The following AFG1L variants were observed in gnomAD, a reference collection of about 807,000 sequenced individuals.
The protein encoded by AFG1L is AFG1 like ATPase.
Under a neutral mutation model 62.2 loss-of-function variants are expected in AFG1L, and 53 were observed. The ratio of observed to expected loss-of-function variants is 0.85; its 90% CI spans 0.68 to 1.07. The LOEUF (loss-of-function observed/expected upper bound fraction) is 1.07, where lower values mean the gene tolerates loss of function less well. Ranked by LOEUF, AFG1L falls within the 50% of genes least tolerant of loss-of-function variation. AFG1L has a pLI of 0.00. For missense variants in AFG1L, 555 were observed against 590.5 expected (o/e 0.94, Z 0.62); for synonymous variants, 228 against 210.3 (o/e 1.08, Z -0.73).
intron 2 of AFG1L, among the ~76,000 whole-genome samples, chr6:108,344,568 A>C (rs1778796332): frequency 6.6e-6 from 1 of 152,194 alleles, no homozygotes; most frequent in Admixed American, 6.5e-5. Flanking sequence ...CCTGGATGAC[A>C]GAGTGAGACC....
At chr6:108,505,151 A>G (rs1440850953) in intron 10 of AFG1L, among the ~76,000 whole-genome samples, 1 of 150,480 alleles carries the variant, frequency 6.6e-6, no homozygotes, top group Non-Finnish European at 1.5e-5. Flanking sequence ...CTGGAGTACA[A>G]TGGCACGATC....
intron 2 of AFG1L, among the ~76,000 whole-genome samples, chr6:108,336,276 G>C (rs1327175048): frequency 6.6e-6 from 1 of 152,162 alleles, no homozygotes; most frequent in Non-Finnish European, 1.5e-5. Flanking sequence ...TAATGCAATG[G>C]TGGGGGGAAT....
rs1401571478 is a variant in AFG1L, at chr6:108,522,604, T to C, written c.*179T>C. On this transcript the variant is annotated 3_prime_UTR_variant, in exon 13 of 13. Transcript: ENST00000368977. ...ATTAGTAAGTTAAACACTTAACATT[T>C]TTTAGGTCTGCTTTTTCTTATTTGG... 1.9e-6 allele frequency: 1 copy of C among 515,438 alleles called. No individual in the cohort carries two copies. The highest frequency in any genetic ancestry group is 3.2e-6 in the Non-Finnish European group (1 of 314,912). 31.9% of individuals were successfully genotyped at this position (515,438 alleles called of 1,614,324 possible).
At chr6:108,490,502 C>T (rs1435535305) in intron 10 of AFG1L, among the ~76,000 whole-genome samples, 1 of 152,148 alleles carries the variant, frequency 6.6e-6, no homozygotes, top group African/African-American at 2.4e-5. Flanking sequence ...TGCTTTTTAG[C>T]CTTAGCATAT....
intron 7 of AFG1L, among the ~76,000 whole-genome samples, chr6:108,415,705 A>C (rs1770230062): frequency 6.6e-6 from 1 of 152,220 alleles, no homozygotes; most frequent in Non-Finnish European, 1.5e-5. Context: ...TGCTGGGAAA[A>C]CTGGCTAGCC....
At chr6:108,479,846 C>G (rs2114822403) in intron 10 of AFG1L, among the ~76,000 whole-genome samples, 1 of 152,238 alleles carries the variant, frequency 6.6e-6, no homozygotes. Context: ...CTAGAAGGCT[C>G]TTGAAGCCCA....
intron 5 of AFG1L, among the ~76,000 whole-genome samples, chr6:108,363,954 A>T (rs1269157228): frequency 6.6e-6 from 1 of 152,190 alleles, no homozygotes; most frequent in Non-Finnish European, 1.5e-5. Flanking sequence ...GCACTCACAC[A>T]TGTAAATTAA....
At chr6:108,514,790 A>G (rs1021299541) in intron 11 of AFG1L, among the ~76,000 whole-genome samples, 5 of 152,276 alleles carry the variant, frequency 3.3e-5, no homozygotes, top group African/African-American at 1.2e-4. Context: ...TCAAAATAAA[A>G]GGATGGAGGA....
At position 108,522,419 on chromosome 6, in the gene AFG1L, G is replaced by T. The variant is rs761355222; in HGVS notation, c.1440G>T (p.Lys480Asn). 7.5e-6 allele frequency: 12 copies of T among 1,606,788 alleles called. No individual in the cohort carries two copies. In the East Asian group the frequency reaches 2.5e-4, roughly 33 times the overall value. ...EQYWNEGDRTKK is the reference protein window; with the variant it reads ...EQYWNEGDRTNK ...ACTGGAATGAAGGAGACAGAACCAA[G>T]AAGTAACTGCCACTTTTGCATAAAT... Residue 480 changes from lysine (K) to asparagine (N), a missense_variant, in exon 13 of 13, where the codon AAG becomes AAT. Physicochemically the swap from Lys to Asn is moderately conservative, Grantham distance 94. Coordinates refer to ENST00000368977, the MANE Select transcript of AFG1L (RefSeq NM_145315.5).
chr6:108,301,399 G>A (rs1776994302), intron 1 of AFG1L, among the ~76,000 whole-genome samples: 1 of 152,134 alleles, frequency 6.6e-6, no homozygotes, highest in Non-Finnish European at 1.5e-5. Flanking sequence ...TTTTACAAGG[G>A]AACCCTTAAT....
At chr6:108,385,337 C>T (rs1341089872) in intron 6 of AFG1L, among the ~76,000 whole-genome samples, 3 of 152,256 alleles carry the variant, frequency 2.0e-5, no homozygotes, top group Non-Finnish European at 1.5e-5. Flanking sequence ...GCAAGGAACA[C>T]CTGGCCCACC....
At chr6:108,343,785 A>G (rs1778768890) in intron 2 of AFG1L, among the ~76,000 whole-genome samples, 1 of 152,196 alleles carries the variant, frequency 6.6e-6, no homozygotes, top group Admixed American at 6.5e-5. Flanking sequence ...GAGATTTAAG[A>G]ATAGATGGAG....
chr6:108,351,060 G>C (rs962878061), intron 3 of AFG1L, among the ~76,000 whole-genome samples: 1 of 152,212 alleles, frequency 6.6e-6, no homozygotes, highest in South Asian at 2.1e-4. Flanking sequence ...AGAAGGTGCA[G>C]TAATAATACA....
chr6:108,493,001 T>C (rs1773831576), intron 10 of AFG1L, among the ~76,000 whole-genome samples: 3 of 152,102 alleles, frequency 2.0e-5, no homozygotes, highest in African/African-American at 7.2e-5. Context: ...TAAAAAATGT[T>C]ATATTATCTG....
chr6:108,519,821 T>A lies in AFG1L; in HGVS notation c.1317+11T>A, dbSNP rs544183592. 4.6e-6 allele frequency: 7 copies of A among 1,517,718 alleles called. No homozygotes were observed. The highest frequency in any genetic ancestry group is 6.3e-6 in the Non-Finnish European group (7 of 1,104,666). The allele number at this position is 1,517,718 out of a possible 1,614,324, so 94.0% of individuals were successfully genotyped here. ...TTGGGGCTGAGCCAGGTAGGCGATA[T>A]TAACATAATCTCTTTTTATTATAAA... On this transcript the variant is annotated intron_variant, in intron 12 of 12. Transcript: ENST00000368977.
intron 1 of AFG1L, among the ~76,000 whole-genome samples, chr6:108,322,602 C>T (rs565045514): frequency 8.0e-4 from 122 of 152,278 alleles, no homozygotes; most frequent in Non-Finnish European, 1.2e-3. Context: ...GGAAGACAGC[C>T]GTCCCTATCT....
At chr6:108,360,423 T>G (rs1450898356) in intron 5 of AFG1L, among the ~76,000 whole-genome samples, 1 of 152,158 alleles carries the variant, frequency 6.6e-6, no homozygotes, top group Non-Finnish European at 1.5e-5. Flanking sequence ...TGATCCCAAA[T>G]TTTAGTGTAG....
chr6:108,303,171 C>T (rs1293262643), intron 1 of AFG1L, among the ~76,000 whole-genome samples: 6 of 152,114 alleles, frequency 3.9e-5, no homozygotes, highest in African/African-American at 7.2e-5. Context: ...CTCAGCCTTC[C>T]AAAATGTTGG....
intron 8 of AFG1L, among the ~76,000 whole-genome samples, chr6:108,452,202 G>C (rs933372963): frequency 3.3e-5 from 5 of 152,178 alleles, no homozygotes; most frequent in Non-Finnish European, 5.9e-5. Context: ...GAATTTAACT[G>C]CTTCAGATTA....
Sources: allele counts gnomAD v4.1 joint callset (sites outside exome capture counted in the v4.1 genomes callset), GRCh38; gene constraint gnomAD v4.1.1; transcripts MANE v1.5; gene names NCBI Gene and HGNC (gene_info 2026-07-23, HGNC 2026-07-21).